C5: variants seen among roughly 807,000 people sequenced by gnomAD.
The protein encoded by C5 is complement C5, also known as C3 and PZP-like alpha-2-macroglobulin domain-containing protein 4.
In C5, 140 loss-of-function variants were observed where a neutral mutation model predicts 218.8. The observed-to-expected ratio is 0.64, with a 90% CI of 0.56 to 0.74. C5 has a LOEUF of 0.74. Among genes scored for constraint, C5 ranks in the 30% least tolerant of loss-of-function variants. The pLI, the probability that C5 is intolerant of heterozygous loss-of-function variation, is 0.00. For missense variants in C5, 1,700 were observed against 1,969.6 expected (o/e 0.86, Z 2.59); for synonymous variants, 614 against 682.3 (o/e 0.90, Z 1.56).
intron 19 of C5, among the ~76,000 whole-genome samples, chr9:121,006,626 T>C (rs2047217470): frequency 6.6e-6 from 1 of 152,154 alleles, no homozygotes; most frequent in Non-Finnish European, 1.5e-5. Context: ...GAAGGTTGCT[T>C]GAAACTAGGA....
At chr9:121,063,214 C>T in the C5 span, among the ~76,000 whole-genome samples, 1 of 149,648 alleles carries the variant, frequency 6.7e-6, no homozygotes, top group Admixed American at 6.7e-5. Context: ...TTTCTTAATC[C>T]TTTTTTCTTT....
the C5 span, among the ~76,000 whole-genome samples, chr9:121,070,845 T>C: frequency 1.3e-5 from 2 of 152,120 alleles, no homozygotes; most frequent in East Asian, 3.8e-4. Flanking sequence ...TTAACAATAA[T>C]ATATTATATA....
intron 16 of C5, 47 bp from the exon 17 acceptor site, chr9:121,014,117 C>T (rs1487019839): frequency 6.6e-7 from 1 of 1,521,644 alleles, no homozygotes; most frequent in Non-Finnish European, 9.1e-7. Context: ...AGAGTGATAA[C>T]ATCTCAGGCT....
chr9:121,006,394 T>C (rs1345952238), intron 19 of C5, among the ~76,000 whole-genome samples: 1 of 152,218 alleles, frequency 6.6e-6, no homozygotes, highest in Non-Finnish European at 1.5e-5. Flanking sequence ...GAAACCAAGA[T>C]TTTAAAACAA....
At chr9:120,959,795 G>C (rs1332409134) in intron 38 of C5, among the ~76,000 whole-genome samples, 1 of 152,092 alleles carries the variant, frequency 6.6e-6, no homozygotes, top group Non-Finnish European at 1.5e-5. Flanking sequence ...CTCAAACATG[G>C]ATTGCAATCT....
chr9:120,989,102 G>C lies in C5; in HGVS notation c.3174C>G (p.Ser1058=). 8 of 1,613,462 alleles carry C rather than the reference G, an allele frequency of 5.0e-6. No individual in the cohort carries two copies. Among genetic ancestry groups the C allele is most frequent in the Non-Finnish European group, 6.8e-6 (8 of 1,179,408 alleles). The part of the protein sequence containing the change: ...KLKEGMLSIM[S]YRNADYSYSV... The stretch of plus-strand genomic sequence containing the variant: ...TGTAAGAGTAGTCAGCATTTCTGTA[G>C]GACATAATGCTCAACATCCCTAAGA... The change falls in exon 25 of 41, where the codon TCC becomes TCG. Residue 1058 remains serine, a synonymous_variant. Transcript: ENST00000223642.
chr9:121,073,104 T>C, the C5 span, among the ~76,000 whole-genome samples: 17 of 152,230 alleles, frequency 1.1e-4, no homozygotes, highest in Non-Finnish European at 5.9e-5. Flanking sequence ...AAGCCATCTC[T>C]GCCTTAAGGA....
At chr9:121,036,093 C>A (rs1164382124) in intron 4 of C5, among the ~76,000 whole-genome samples, 1 of 151,890 alleles carries the variant, frequency 6.6e-6, no homozygotes, top group African/African-American at 2.4e-5. Flanking sequence ...AAACCCAAAG[C>A]AAAAAATCTT....
intron 6 of C5, among the ~76,000 whole-genome samples, 195 bp downstream of exon 6, chr9:121,031,918 G>T (rs931644095): frequency 3.9e-5 from 6 of 152,082 alleles, no homozygotes; most frequent in Admixed American, 2.0e-4. Flanking sequence ...ACAAAAATTA[G>T]CCGGCTATGG....
In C5 at chr9:120,969,089, CAG is replaced by C. The variant is rs1469078818; in HGVS notation, c.4190_4191del (p.Ser1397Ter). 2.5e-6 allele frequency: 4 copies of C among 1,613,924 alleles called. No individual in the cohort carries two copies. The highest frequency in any genetic ancestry group is 2.7e-5 in the African/African-American group (2 of 74,920). On this transcript the variant is annotated frameshift_variant, in exon 33 of 41. Coordinates refer to ENST00000223642, the MANE Select transcript of C5 (RefSeq NM_001735.3). LOFTEE classifies it high-confidence loss of function. Reference sequence around the variant, plus strand: ...GCACATGCTACTATGCGTTTGTAATCAGAGTTTCCGTAGCCTCTGTAGTGGGA... The same window carrying C: ...GCACATGCTACTATGCGTTTGTAATCAGTTTCCGTAGCCTCTGTAGTGGGA... Reference protein sequence around the residue: ...EASHYRGYGNSDYKRIVACAS... With the variant: ...EASHYRGYGNXDYKRIVACAS...
intron 15 of C5, among the ~76,000 whole-genome samples, chr9:121,015,850 T>C (rs2047302534): frequency 6.6e-6 from 1 of 152,122 alleles, no homozygotes; most frequent in Non-Finnish European, 1.5e-5. Flanking sequence ...AATTATAAAT[T>C]CTATGTGGGG....
In C5 at chr9:120,952,762, C is replaced by G. The variant is rs761048515; in HGVS notation, c.5008G>C (p.Asp1670His). ...TTTTAGCATCCATTTAAAAAGATAT[C>G]TTCGGCAAATTCATCTAAATTAGCT... is the stretch of plus-strand genomic sequence containing the variant. ...FLANLDEFAE[D>H]IFLNGC The change falls in exon 41 of 41, where the codon GAT (aspartate) becomes CAT (histidine). Residue 1670 changes from aspartate to histidine, a missense_variant. Asp to His is a moderately conservative substitution (Grantham distance 81, BLOSUM62 -1). Coordinates refer to ENST00000223642, the MANE Select transcript of C5 (RefSeq NM_001735.3). 1.1e-5 allele frequency: 18 copies of G among 1,613,462 alleles called. 1 individual carries two copies. The East Asian group carries it at 4.0e-4, about 36-fold the overall frequency.
intron 22 of C5, among the ~76,000 whole-genome samples, chr9:120,993,644 G>A (rs1047752805): frequency 2.0e-5 from 3 of 151,958 alleles, no homozygotes; most frequent in African/African-American, 7.2e-5. Flanking sequence ...GGATGGTCTC[G>A]ATCTCCTGAC....
intron 7 of C5, among the ~76,000 whole-genome samples, chr9:121,029,841 G>C (rs538516203): frequency 4.6e-5 from 7 of 152,242 alleles, no homozygotes; most frequent in African/African-American, 1.4e-4. Flanking sequence ...TGGATGATGA[G>C]AGGCACACAC....
At chr9:121,028,075 T>C (rs1262576924) in intron 7 of C5, among the ~76,000 whole-genome samples, 7 of 151,874 alleles carry the variant, frequency 4.6e-5, no homozygotes, top group Admixed American at 2.0e-4. Flanking sequence ...TTTATGCAGC[T>C]AACAGACACA....
intron 3 of C5, among the ~76,000 whole-genome samples, chr9:121,042,458 C>T (rs1286826590): frequency 6.6e-6 from 1 of 152,172 alleles, no homozygotes; most frequent in African/African-American, 2.4e-5. Flanking sequence ...AATATCTGAT[C>T]CCCTAGGTTA....
chr9:120,989,554 CT>C lies in C5; in HGVS notation c.3154+13del, dbSNP rs762749415. ...AATCACCCAATTTTTATGTGAAATA[CT>C]TTTTTTTTTTACCTTCTTTTAATTT... On this transcript the variant is annotated intron_variant, in intron 24 of 40. Coordinates refer to ENST00000223642, the MANE Select transcript of C5 (RefSeq NM_001735.3). 64,263 of 884,884 alleles carry C rather than the reference CT, an allele frequency of 0.073. No homozygotes were observed. The highest frequency in any genetic ancestry group is 0.081 in the East Asian group (1,796 of 22,042). 54.8% of individuals were successfully genotyped at this position (884,884 alleles called of 1,614,324 possible). A position where few individuals can be genotyped will look rare whatever the true frequency, so the allele number is the denominator to read the frequency against.
intron 23 of C5, among the ~76,000 whole-genome samples, chr9:120,990,602 C>T (rs2047069894): frequency 6.6e-6 from 1 of 152,152 alleles, no homozygotes; most frequent in Non-Finnish European, 1.5e-5. Context: ...TGCCTTTCCA[C>T]TTTCTGCCAC....
At chr9:120,974,113 T>C (rs2046934539) in intron 30 of C5, among the ~76,000 whole-genome samples, 1 of 152,174 alleles carries the variant, frequency 6.6e-6, no homozygotes, top group Non-Finnish European at 1.5e-5. Flanking sequence ...ATTAGAAAAA[T>C]ATGTATCAGC....
Sources: gnomAD v4.1 joint callset for allele counts (sites outside exome capture counted in the v4.1 genomes callset) on GRCh38, gnomAD v4.1.1 for gene constraint, MANE v1.5 for transcripts, NCBI Gene and HGNC (gene_info 2026-07-23, HGNC 2026-07-21) for gene names.